Variants in CAPS2 observed in about 807,000 individuals in gnomAD.
CAPS2 encodes calcyphosine 2, also known as calcyphosin-2.
CAPS2 carries 98 observed loss-of-function variants against 86.5 expected under a neutral mutation model. The observed-to-expected ratio is 1.13, with a 90% CI of 0.96 to 1.34. CAPS2 has a LOEUF of 1.34. CAPS2 is among the 40% of genes most tolerant of loss of function. CAPS2 has a pLI of 0.00. For synonymous variants in CAPS2, 210 were observed against 225.1 expected (o/e 0.93, Z 0.60); for missense variants, 729 against 686.8 (o/e 1.06, Z -0.69).
chr12:75,326,425 G>A lies in CAPS2; in HGVS notation c.74C>T (p.Pro25Leu), dbSNP rs768697581. Reference sequence around the variant, plus strand: ...TATATAGAGCTCACATACTTGTAGAGGCTTCTTTCTTCCAAAGAATGGCTG... The same window carrying A: ...TATATAGAGCTCACATACTTGTAGAAGCTTCTTTCTTCCAAAGAATGGCTG... Residue 25 changes from proline to leucine, a missense_variant, in exon 1 of 17, where the codon CCT becomes CTT. Transcript: ENST00000393284. The A allele has an allele frequency of 2.8e-6, 4 of 1,423,432 alleles. No homozygotes were observed. The South Asian group carries it at 4.9e-5, about 17-fold the overall frequency. The allele number at this position is 1,423,432 out of a possible 1,614,324, so 88.2% of individuals were successfully genotyped here. A position where few individuals can be genotyped will look rare whatever the true frequency, so the allele number is the denominator to read the frequency against.
intron 1 of CAPS2, among the ~76,000 whole-genome samples, chr12:75,338,807 T>C (rs368644510): frequency 2.0e-5 from 3 of 149,060 alleles, no homozygotes; most frequent in African/African-American, 7.3e-5. Context: ...TGTGTCCATG[T>C]GTTCTCATTG....
upstream of CAPS2, chr12:75,334,105 A>G (rs3087687): frequency 0.38 from 57,228 of 152,030 alleles, 11,216 homozygotes; most frequent in East Asian, 0.5. Flanking sequence ...ACATTTTCCA[A>G]GCATCTATTG....
chr12:75,367,134 T>C (rs2044023790), intron 1 of CAPS2: 1 of 651,366 alleles, frequency 1.5e-6, no homozygotes. Context: ...AGAATACACC[T>C]CCAAAGTGGA....
chr12:75,290,723 C>A (rs185108218), intron 13 of CAPS2, among the ~76,000 whole-genome samples: 48 of 151,946 alleles, frequency 3.2e-4, no homozygotes, highest in Non-Finnish European at 6.0e-4. Flanking sequence ...CCAGACCAGC[C>A]TGGAGAACAT....
At chr12:75,282,482 G>T (rs1038265279) in intron 15 of CAPS2, 135 bp from the exon 16 acceptor site, 9 of 614,744 alleles carry the variant, frequency 1.5e-5, no homozygotes, top group African/African-American at 1.3e-4. Flanking sequence ...CGCCTCCCAG[G>T]TTCAAGTGTT....
intron 4 of CAPS2, among the ~76,000 whole-genome samples, chr12:75,322,029 G>A (rs1474942290): frequency 6.6e-6 from 1 of 151,942 alleles, no homozygotes; most frequent in East Asian, 1.9e-4. Flanking sequence ...TGCAAACATG[G>A]AAATATTTGC....
At chr12:75,282,913 A>G (rs1670253448) in intron 15 of CAPS2, among the ~76,000 whole-genome samples, 1 of 152,168 alleles carries the variant, frequency 6.6e-6, no homozygotes, top group Non-Finnish European at 1.5e-5. Context: ...TGAGAAAGTA[A>G]CCTGACCTCT....
At chr12:75,330,460 GTTTA>G (rs1428410370), upstream of CAPS2, among the ~76,000 whole-genome samples, 3 of 152,226 alleles carry the variant, frequency 2.0e-5, no homozygotes, top group Non-Finnish European at 4.4e-5. Flanking sequence ...ATTGAATTCT[GTTTA>G]ACATATTTCA....
intron 1 of CAPS2, chr12:75,369,427 G>A: frequency 3.0e-6 from 2 of 661,442 alleles, no homozygotes; most frequent in Non-Finnish European, 3.7e-6. Flanking sequence ...GAATCATGCT[G>A]AATACGTAGT....
intron 1 of CAPS2, among the ~76,000 whole-genome samples, chr12:75,345,189 T>TG (rs2042367686): frequency 6.6e-6 from 1 of 151,952 alleles, no homozygotes; most frequent in Non-Finnish European, 1.5e-5. Context: ...ACTATGAGAG[T>TG]GTATCAAACT....
At chr12:75,346,234 A>G (rs1457767056) in intron 1 of CAPS2, among the ~76,000 whole-genome samples, 1 of 152,162 alleles carries the variant, frequency 6.6e-6, no homozygotes, top group Non-Finnish European at 1.5e-5. Flanking sequence ...TTGGAAATAT[A>G]TATATTTTAG....
intron 1 of CAPS2, among the ~76,000 whole-genome samples, chr12:75,389,935 G>A (rs2045490899): frequency 6.6e-6 from 1 of 152,182 alleles, no homozygotes; most frequent in African/African-American, 2.4e-5. Context: ...ATAGTAGTAA[G>A]TATTCAAGGG....
chr12:75,352,693 A>G (rs2042893363), intron 1 of CAPS2, among the ~76,000 whole-genome samples: 1 of 152,226 alleles, frequency 6.6e-6, no homozygotes, highest in South Asian at 2.1e-4. Context: ...AAAACAACAG[A>G]ATATACATTC....
In CAPS2 at chr12:75,361,815, C is replaced by A. The variant is rs2043615576; in HGVS notation, c.-395+29023G>T. Among the ~76,000 whole-genome samples, 2 of 152,112 alleles carry A rather than the reference C, an allele frequency of 1.3e-5. 1 individual carries two copies. Among genetic ancestry groups the A allele is most frequent in the Admixed American group, 1.3e-4 (2 of 15,266 alleles). On this transcript the variant is annotated intron_variant, in intron 1 of 5. Transcript: ENST00000551829. ...ATCACCTCCCTCCCTAAACTTGGGG[C>A]TTACAGGTTCCTCCCTCAACACATG...
intron 7 of CAPS2, among the ~76,000 whole-genome samples, chr12:75,305,285 G>C (rs2038315284): frequency 6.6e-6 from 1 of 152,170 alleles, no homozygotes; most frequent in Admixed American, 6.5e-5. Context: ...TTAATTCCTA[G>C]AAGACAGAGA....
Position 75,325,417 on chromosome 12 carries a change from A to G in CAPS2, c.82-129T>C, listed in dbSNP as rs547237943. On this transcript the variant is annotated intron_variant, in intron 1 of 16. Transcript: ENST00000393284. ...TTTCTCAGTAAATTCTATATAATAA[A>G]TACTTATTAAGCCCCTTCCTACTGT... 6.4e-5 allele frequency: 50 copies of G among 786,844 alleles called. No homozygotes were observed. In the African/African-American group the frequency reaches 7.6e-4, roughly 12 times the overall value. The allele number at this position is 786,844 out of a possible 1,614,324, so 48.7% of individuals were successfully genotyped here.
intron 4 of CAPS2, among the ~76,000 whole-genome samples, chr12:75,322,188 G>A (rs1375940809): frequency 1.3e-5 from 2 of 152,222 alleles, no homozygotes; most frequent in Non-Finnish European, 1.5e-5. Context: ...CCTTCATTCT[G>A]TTTTCCCACT....
chr12:75,291,934 G>T (rs1475755552), intron 12 of CAPS2, 114 bp from the exon 13 acceptor site: 1 of 392,300 alleles, frequency 2.5e-6, no homozygotes, highest in Non-Finnish European at 4.5e-6. Flanking sequence ...CTCAAACTTG[G>T]AAGAGTGCTT....
intron 1 of CAPS2, among the ~76,000 whole-genome samples, chr12:75,347,308 T>C (rs2042519346): frequency 6.6e-6 from 1 of 152,142 alleles, no homozygotes; most frequent in South Asian, 2.1e-4. Flanking sequence ...AGGGATAGAA[T>C]TAAAATGTAT....
Sources: gnomAD v4.1 joint callset for allele counts (sites outside exome capture counted in the v4.1 genomes callset) on GRCh38, gnomAD v4.1.1 for gene constraint, MANE v1.5 for transcripts, NCBI Gene and HGNC (gene_info 2026-07-23, HGNC 2026-07-21) for gene names.